Variants in CFAP43 observed in about 807,000 individuals in gnomAD.
CFAP43 encodes cilia- and flagella-associated protein 43.
CFAP43 carries 155 observed loss-of-function variants against 218.9 expected under a neutral mutation model. The ratio of observed to expected loss-of-function variants is 0.71; its 90% CI spans 0.62 to 0.81. The LOEUF is 0.81. Ranked by LOEUF, CFAP43 falls within the 30% of genes least tolerant of loss-of-function variation. The pLI is 0.00. For missense variants in CFAP43, 1,778 were observed against 1,954.3 expected, an observed-to-expected ratio of 0.91 and a Z score of 1.70; for synonymous variants, 645 against 681.3, an observed-to-expected ratio of 0.95 and a Z score of 0.83.
chr10:104,199,146 G>A (rs902961808), intron 8 of CFAP43, among the ~76,000 whole-genome samples: 4 of 152,104 alleles, frequency 2.6e-5, no homozygotes, highest in Non-Finnish European at 4.4e-5. Flanking sequence ...AGAAATAGTT[G>A]AGGTATGGCT....
intron 30 of CFAP43, among the ~76,000 whole-genome samples, chr10:104,146,032 T>A (rs1225658824): frequency 1.3e-5 from 2 of 152,194 alleles, no homozygotes; most frequent in East Asian, 3.8e-4. Flanking sequence ...CTAGATGATT[T>A]CCCTGTATTT....
At chr10:104,168,261 T>G (rs1189819969) in intron 21 of CFAP43, among the ~76,000 whole-genome samples, 1 of 152,080 alleles carries the variant, frequency 6.6e-6, no homozygotes, top group Non-Finnish European at 1.5e-5. Flanking sequence ...TATTTGAAAG[T>G]GAAAAGGATG....
At chr10:104,225,256 T>C (rs2091279508) in intron 3 of CFAP43, among the ~76,000 whole-genome samples, 1 of 152,228 alleles carries the variant, frequency 6.6e-6, no homozygotes, top group African/African-American at 2.4e-5. Context: ...TGACAATAAC[T>C]AATTTAGTTC....
chr10:104,146,510 A>G (rs2087980368), intron 29 of CFAP43, among the ~76,000 whole-genome samples, 161 bp from the exon 30 acceptor site: 2 of 152,222 alleles, frequency 1.3e-5, no homozygotes, highest in South Asian at 2.1e-4. Context: ...AAATACACCA[A>G]TTGGGGACTT....
At position 104,194,001 on chromosome 10, in the gene CFAP43, G is replaced by T; in HGVS notation, c.1307C>A (p.Ala436Asp). The T allele has an allele frequency of 1.9e-6, 3 of 1,613,586 alleles. No homozygotes were observed. The highest frequency in any genetic ancestry group is 2.5e-6 in the Non-Finnish European group (3 of 1,180,010). The change falls in exon 11 of 38, where the codon GCT becomes GAT. Residue 436 changes from alanine to aspartate, a missense_variant. Physicochemically the swap from Ala to Asp is moderately radical, Grantham distance 126 (BLOSUM62 -2). Coordinates refer to ENST00000357060, the MANE Select transcript of CFAP43 (RefSeq NM_025145.7). Reference protein sequence around the residue: ...IYLNTLATVLACCPSSLSAAV... With the variant: ...IYLNTLATVLDCCPSSLSAAV... ...TGCAGAGAGGGAGGATGGACAGCAAGCCAGAACCGTTGCCTGTTTAAAATA... is the reference window on the plus strand; with the variant it reads ...TGCAGAGAGGGAGGATGGACAGCAATCCAGAACCGTTGCCTGTTTAAAATA...
At chr10:104,196,252 T>C (rs1016283654) in intron 10 of CFAP43, among the ~76,000 whole-genome samples, 2 of 152,240 alleles carry the variant, frequency 1.3e-5, no homozygotes, top group African/African-American at 2.4e-5. Context: ...AGACAAGTTC[T>C]GTACTTTATA....
rs563746671 is a variant in CFAP43, at chr10:104,183,494, A to G, written c.2142-981T>C. On this transcript the variant is annotated intron_variant, in intron 16 of 37. Coordinates refer to ENST00000357060, the MANE Select transcript of CFAP43 (RefSeq NM_025145.7). ...AAGCTCCGCTTCCCGGGTTCACGCC[A>G]TTCTCCTGCCTCAGCCTCCCGAGTA... Among the ~76,000 whole-genome samples, 13 of 148,924 alleles carry G rather than the reference A, an allele frequency of 8.7e-5. No homozygotes were observed. In the East Asian group the frequency reaches 2.6e-3, roughly 30 times the overall value.
chr10:104,182,337 C>T, intron 17 of CFAP43, 29 bp downstream of exon 17: 1 of 1,507,908 alleles, frequency 6.6e-7, no homozygotes, highest in Non-Finnish European at 8.8e-7. Context: ...GAAATGTAAG[C>T]AAGCAAGCTA....
At chr10:104,232,144 CGAGACCCAGATCGGT>C (rs1420729868) in intron 1 of CFAP43, 23 bp downstream of exon 1, 1 of 1,587,436 alleles carries the variant, frequency 6.3e-7, no homozygotes, top group Non-Finnish European at 8.6e-7. Flanking sequence ...GGAGGTTCCG[CGAGACCCAGATCGGT>C]CGCGGGGCCG....
At chr10:104,134,921 C>CA (rs1201338626) in intron 34 of CFAP43, among the ~76,000 whole-genome samples, 1 of 152,054 alleles carries the variant, frequency 6.6e-6, no homozygotes, top group Non-Finnish European at 1.5e-5. Flanking sequence ...AGAAAGACAT[C>CA]ACAAGAAAAT....
chr10:104,132,587 C>G (rs1235795868), intron 35 of CFAP43: 1 of 957,452 alleles, frequency 1.0e-6, no homozygotes, highest in Admixed American at 6.2e-5. Context: ...TGCACTCCAC[C>G]TGGGCAAAAA....
chr10:104,146,932 A>G (rs2088004935), intron 29 of CFAP43, among the ~76,000 whole-genome samples: 1 of 152,086 alleles, frequency 6.6e-6, no homozygotes, highest in South Asian at 2.1e-4. Flanking sequence ...TAGCTTCCTC[A>G]TGCCAACAAC....
At chr10:104,199,828 G>A (rs1048025547) in intron 8 of CFAP43, among the ~76,000 whole-genome samples, 26 of 151,562 alleles carry the variant, frequency 1.7e-4, no homozygotes, top group African/African-American at 6.3e-4. Flanking sequence ...TTACACAAAC[G>A]CTTGAATGTA....
chr10:104,230,983 C>T (rs2091435390), intron 1 of CFAP43, 140 bp from the exon 2 acceptor site: 12 of 935,420 alleles, frequency 1.3e-5, no homozygotes, highest in Non-Finnish European at 1.7e-5. Flanking sequence ...GATAAAAGAA[C>T]ACACATGCTG....
intron 2 of CFAP43, 21 bp downstream of exon 2, chr10:104,230,569 A>C: frequency 6.2e-7 from 1 of 1,604,274 alleles, no homozygotes; most frequent in Non-Finnish European, 8.5e-7. Flanking sequence ...TTATGGGCAG[A>C]GGAAGGGTTC....
At position 104,166,592 on chromosome 10, in the gene CFAP43, G is replaced by A. The variant is rs777345163; in HGVS notation, c.2935C>T (p.Leu979Phe). The change falls in exon 23 of 38, where the codon CTT (leucine) becomes TTT (phenylalanine). Residue 979 changes from leucine to phenylalanine, a missense_variant. Leu to Phe is a conservative substitution (Grantham distance 22). Transcript: ENST00000357060. ...VKYSNLPNYL[L>F]GSLSTDFGVD... is the part of the protein sequence containing the mutation. ...CCAAAATCAGTACTCAGACTACCAA[G>A]CAGGTAATTGGGCAAATTGCTATAT... The A allele has an allele frequency of 1.5e-5, 24 of 1,613,998 alleles. No individual in the cohort carries two copies. In the South Asian group the frequency reaches 2.4e-4, roughly 16 times the overall value.
intron 3 of CFAP43, among the ~76,000 whole-genome samples, chr10:104,224,754 CAAAAAAAAAAAA>C (rs66877503): frequency 1.4e-5 from 1 of 70,178 alleles, no homozygotes; most frequent in Non-Finnish European, 2.8e-5. Flanking sequence ...GACTCCATCT[CAAAAAAAAAAAA>C]AAAAAAAAAA....
chr10:104,144,106 A>G (rs1173697821), intron 31 of CFAP43, among the ~76,000 whole-genome samples: 1 of 152,232 alleles, frequency 6.6e-6, no homozygotes, highest in East Asian at 1.9e-4. Context: ...GGCACTCACT[A>G]TCAAGATGCT....
rs1384480537 is a variant in CFAP43 at position 104,146,330 on chromosome 10, AC to A, written c.3787del (p.Val1263PhefsTer78). ...ATCCAGGTCTTCTCTAGATTTCCGA[AC>A]AGCTTCTGAAGTCTGGCTCTATAAC... ...QHEKSQTSEA[V>X]RKSREDLDVC... On this transcript the variant is annotated frameshift_variant, in exon 30 of 38. Transcript: ENST00000357060. LOFTEE classifies it high-confidence loss of function. 2.5e-6 allele frequency: 4 copies of A among 1,613,586 alleles called. No individual in the cohort carries two copies. Among genetic ancestry groups the A allele is most frequent in the Non-Finnish European group, 3.4e-6 (4 of 1,179,692 alleles).
Sources: allele counts gnomAD v4.1 joint callset (sites outside exome capture counted in the v4.1 genomes callset), GRCh38; gene constraint gnomAD v4.1.1; transcripts MANE v1.5; gene names NCBI Gene and HGNC (gene_info 2026-07-23, HGNC 2026-07-21).